Variants in AGAP1 observed in about 807,000 individuals in gnomAD.
AGAP1 encodes arf-GAP with GTPase, ANK repeat and PH domain-containing protein 1.
AGAP1 carries 29 observed loss-of-function variants against 105.3 expected under a neutral mutation model. That is an observed-to-expected ratio of 0.28 (90% CI 0.21 to 0.38). The LOEUF (loss-of-function observed/expected upper bound fraction) is 0.38. AGAP1 is among the 10% of genes least tolerant of loss of function. The probability of loss-of-function intolerance (pLI) is 1.00; values close to 1 mark genes in which losing one functional copy is unlikely to be tolerated. For missense variants in AGAP1, 998 were observed against 1,165.1 expected, an observed-to-expected ratio of 0.86 and a Z score of 2.09; for synonymous variants, 509 against 485.9, an observed-to-expected ratio of 1.05 and a Z score of -0.63.
intron 10 of AGAP1, among the ~76,000 whole-genome samples, chr2:235,907,967 A>G (rs71423695): frequency 6.6e-6 from 1 of 152,178 alleles, no homozygotes; most frequent in Admixed American, 6.5e-5. Context: ...AATAATAATA[A>G]CAATAATAAT....
At chr2:235,766,294 C>T (rs2675133) in intron 6 of AGAP1, among the ~76,000 whole-genome samples, 37,060 of 152,084 alleles carry the variant, frequency 0.24, 5,072 homozygotes, top group Admixed American at 0.39. Context: ...ATGTGGGTAA[C>T]AGGACATTGG....
chr2:235,710,558 G>A (rs1447062836), intron 2 of AGAP1, among the ~76,000 whole-genome samples: 1 of 152,212 alleles, frequency 6.6e-6, no homozygotes, highest in Admixed American at 6.5e-5. Flanking sequence ...GCCCGTGGGA[G>A]ACAAAGCGTC....
chr2:235,993,429 C>T lies in AGAP1; in HGVS notation c.1645+24806C>T, dbSNP rs907230925. ...CTGAAAGTCCAGCACAGTGTGTGCA[C>T]GTGGTATGTCCCTGATGGAAACTGC... On this transcript the variant is annotated intron_variant, in intron 13 of 17. Transcript: ENST00000304032. This position sits in a 1 kb window ranked among gnomAD's most constrained non-coding sequence, Gnocchi z 5.0. 5.3e-5 allele frequency among the ~76,000 whole-genome samples: 8 copies of T among 152,168 alleles called. No homozygotes were observed. Among genetic ancestry groups the T allele is most frequent in the Admixed American group, 3.9e-4 (6 of 15,284 alleles).
intron 1 of AGAP1, among the ~76,000 whole-genome samples, chr2:235,681,204 C>T (rs539218725): frequency 1.3e-5 from 2 of 152,180 alleles, no homozygotes; most frequent in East Asian, 3.9e-4. Flanking sequence ...AGAGACGGGG[C>T]TTCACCGTGT....
At chr2:235,876,013 C>T (rs2049706729) in intron 9 of AGAP1, among the ~76,000 whole-genome samples, 1 of 152,132 alleles carries the variant, frequency 6.6e-6, no homozygotes, top group Non-Finnish European at 1.5e-5. Flanking sequence ...TGTTCTATGT[C>T]AGACCCATGA....
rs1482257325 is a variant in AGAP1 at position 236,020,833 on chromosome 2, AGCCAC to A, written c.1646-15727_1646-15723del. ...ATCGGTACAGAGCAGAGCTGGCCAA[AGCCAC>A]CCCTCCTCAGTGATGAGCAGCACCA... On this transcript the variant is annotated intron_variant, in intron 13 of 17. Coordinates refer to ENST00000304032, the MANE Select transcript of AGAP1 (RefSeq NM_001037131.3). This position sits in a 1 kb window ranked among gnomAD's most constrained non-coding sequence, Gnocchi z 5.0. Among the ~76,000 whole-genome samples, 1 of 152,196 alleles carries A rather than the reference AGCCAC, an allele frequency of 6.6e-6. No homozygotes were observed. The highest frequency in any genetic ancestry group is 1.5e-5 in the Non-Finnish European group (1 of 68,040).
intron 1 of AGAP1, among the ~76,000 whole-genome samples, chr2:235,548,460 C>T (rs1200611304): frequency 2.0e-5 from 3 of 152,092 alleles, no homozygotes; most frequent in African/African-American, 7.2e-5. Flanking sequence ...TCGAGGCCAG[C>T]CTGGCCAACA....
At position 235,744,635 on chromosome 2, in the gene AGAP1, T is replaced by G; in HGVS notation, c.397-63T>G. 1 of 1,601,752 alleles carries G rather than the reference T, an allele frequency of 6.2e-7. No individual in the cohort carries two copies. Among genetic ancestry groups the G allele is most frequent in the South Asian group, 1.1e-5 (1 of 90,046 alleles). On this transcript the variant is annotated intron_variant, in intron 4 of 17. Coordinates refer to ENST00000304032, the MANE Select transcript of AGAP1 (RefSeq NM_001037131.3). This position sits in a 1 kb window ranked among gnomAD's most constrained non-coding sequence, Gnocchi z 5.2. The stretch of plus-strand genomic sequence containing the variant: ...CCTGCTGCCTGCCGCCATGCAGACA[T>G]CTCTGTTCTTAATCAAGCCTGCTCA...
intron 13 of AGAP1, among the ~76,000 whole-genome samples, chr2:236,019,244 C>T (rs7558353): frequency 0.37 from 56,987 of 152,022 alleles, 11,040 homozygotes; most frequent in South Asian, 0.52. Flanking sequence ...CCATTGCCTG[C>T]GCTGGGTGCT....
chr2:236,006,153 A>G (rs1055676053), intron 13 of AGAP1, among the ~76,000 whole-genome samples: 1 of 139,146 alleles, frequency 7.2e-6, no homozygotes, highest in Admixed American at 7.1e-5. Context: ...GCTGTGGCCC[A>G]GATTATTCCA....
intron 2 of AGAP1, among the ~76,000 whole-genome samples, chr2:235,711,759 TC>T (rs2149522726): frequency 6.6e-6 from 1 of 152,252 alleles, no homozygotes; most frequent in African/African-American, 2.4e-5. Context: ...GCTGCTTTGT[TC>T]CCTAGGCAGC....
Position 235,538,427 on chromosome 2 carries a change from A to ATGTGTGTGTGTGTGTGTGTGTGTGTG in AGAP1, c.163+43587_163+43612dup, listed in dbSNP as rs57515821. 2.0e-3 allele frequency among the ~76,000 whole-genome samples: 272 copies of ATGTGTGTGTGTGTGTGTGTGTGTGTG among 135,402 alleles called. 2 individuals carry two copies. The highest frequency in any genetic ancestry group is 3.8e-3 in the Middle Eastern group (1 of 264). 88.8% of individuals were successfully genotyped at this position (135,402 alleles called of 152,430 possible). A position where few individuals can be genotyped will look rare whatever the true frequency, so the allele number is the denominator to read the frequency against. ...CTCTGGAGGAAGAACCTCAGCCACT[A>ATGTGTGTGTGTGTGTGTGTGTGTGTG]TGTGTGTGTGTGTGTGTGTGTGTGT... On this transcript the variant is annotated intron_variant, in intron 1 of 17. Transcript: ENST00000304032.
chr2:235,686,656 TATATATA>T (rs1165682683), intron 1 of AGAP1, among the ~76,000 whole-genome samples: 1,512 of 58,268 alleles, frequency 0.026, 67 homozygotes, highest in Middle Eastern at 0.052. Context: ...GATATATATA[TATATATA>T]TATTTTTTTT....
intron 6 of AGAP1, among the ~76,000 whole-genome samples, chr2:235,784,002 G>C (rs1424183534): frequency 6.6e-6 from 1 of 152,124 alleles, no homozygotes; most frequent in Admixed American, 6.5e-5. Flanking sequence ...GGATGGATGG[G>C]TGGATAGATA....
At position 235,810,260 on chromosome 2, in the gene AGAP1, A is replaced by C. The variant is rs572934987; in HGVS notation, c.1050+2929A>C. 1.6e-3 allele frequency among the ~76,000 whole-genome samples: 240 copies of C among 151,476 alleles called. 1 individual carries two copies. The highest frequency in any genetic ancestry group is 2.7e-3 in the Admixed American group (42 of 15,286). On this transcript the variant is annotated intron_variant, in intron 9 of 17. Coordinates refer to ENST00000304032, the MANE Select transcript of AGAP1 (RefSeq NM_001037131.3). ...GGGTGGGAGGCGTCATTCCATTCCC[A>C]TCCTTACCGTGTTTGCCGCAAACAT...
chr2:235,939,438 C>T (rs2053148600), intron 12 of AGAP1, among the ~76,000 whole-genome samples: 1 of 151,804 alleles, frequency 6.6e-6, no homozygotes, highest in African/African-American at 2.4e-5. Context: ...TCTCCTGTCC[C>T]AGCGGTTTCT....
At chr2:235,727,052 T>G (rs565682813) in intron 3 of AGAP1, among the ~76,000 whole-genome samples, 1 of 152,274 alleles carries the variant, frequency 6.6e-6, no homozygotes, top group South Asian at 2.1e-4. Flanking sequence ...AAGGTGAGGA[T>G]TTTTGTCAAT....
At chr2:235,910,357 T>C (rs1485090636) in intron 11 of AGAP1, among the ~76,000 whole-genome samples, 1 of 13,048 alleles carries the variant, frequency 7.7e-5, no homozygotes, top group Non-Finnish European at 1.2e-4. Flanking sequence ...AGCTGTTGTT[T>C]CTAATCAAAG....
chr2:235,925,533 A>G (rs2052404472), intron 11 of AGAP1, among the ~76,000 whole-genome samples: 1 of 152,188 alleles, frequency 6.6e-6, no homozygotes. Context: ...TTCTGAATGT[A>G]GCTCTATTTC....
Sources: allele counts gnomAD v4.1 joint callset (sites outside exome capture counted in the v4.1 genomes callset), GRCh38; gene constraint gnomAD v4.1.1; non-coding constraint Gnocchi (gnomAD v3.1); transcripts MANE v1.5; gene names NCBI Gene and HGNC (gene_info 2026-07-23, HGNC 2026-07-21).